Variants in NPIPA5 observed in about 807,000 individuals in gnomAD.
NPIPA5 encodes nuclear pore complex-interacting protein family member A5.
NPIPA5 carries 6 observed loss-of-function variants against 21.4 expected under a neutral mutation model. The observed-to-expected ratio is 0.28, with a 90% CI of 0.15 to 0.55. The LOEUF (loss-of-function observed/expected upper bound fraction) is 0.55. NPIPA5 is among the 20% of genes least tolerant of loss of function. NPIPA5 has a pLI of 0.93. For missense variants in NPIPA5, 99 were observed against 318.2 expected (o/e 0.31, Z 5.24); for synonymous variants, 33 against 115.3 (o/e 0.29, Z 4.57).
upstream of NPIPA5, among the ~76,000 whole-genome samples, chr16:15,380,230 A>G (rs1360058768): frequency 6.6e-5 from 10 of 151,992 alleles, no homozygotes; most frequent in Non-Finnish European, 1.0e-4. Flanking sequence ...TATAGAACAT[A>G]TATATGTACT....
upstream of NPIPA5, chr16:15,381,082 C>T (rs1415462585): frequency 5.9e-6 from 9 of 1,537,808 alleles, no homozygotes; most frequent in South Asian, 2.4e-5. Flanking sequence ...TGATGAGTGC[C>T]AACCTATTAG....
chr16:15,371,589 A>T (rs2050156436), intron 2 of NPIPA5, among the ~76,000 whole-genome samples: 1 of 141,668 alleles, frequency 7.1e-6, no homozygotes. Flanking sequence ...GGCAACCTCC[A>T]CCTCCCAGAT....
rs576379543 is a variant in NPIPA5, at chr16:15,370,422, T to TCACACA, written c.193-309_193-304dup. 8.7e-4 allele frequency among the ~76,000 whole-genome samples: 103 copies of TCACACA among 118,448 alleles called. 1 individual carries two copies. Among genetic ancestry groups the TCACACA allele is most frequent in the Middle Eastern group, 8.1e-3 (2 of 248 alleles). The allele number at this position is 118,448 out of a possible 152,430, so 77.7% of individuals were successfully genotyped here. ...GCCTGAGTGACAGAATGAGACTCTGTCACACACACACACACACACACACAC... is the reference window on the plus strand; with the variant it reads ...GCCTGAGTGACAGAATGAGACTCTGTCACACACACACACACACACACACACACACAC... On this transcript the variant is annotated intron_variant, in intron 2 of 7. Coordinates refer to ENST00000360151, the MANE Select transcript of NPIPA5 (RefSeq NM_001277325.2).
intron 4 of NPIPA5, among the ~76,000 whole-genome samples, chr16:15,369,243 G>A (rs937110920): frequency 8.8e-5 from 13 of 148,530 alleles, no homozygotes; most frequent in African/African-American, 3.2e-4. Flanking sequence ...ATTACCTGAG[G>A]TCAGAAGTTC....
intron 4 of NPIPA5, among the ~76,000 whole-genome samples, chr16:15,367,287 G>A (rs191774161): frequency 2.4e-4 from 37 of 152,246 alleles, no homozygotes; most frequent in South Asian, 6.2e-4. Context: ...TAACCCTGCA[G>A]TTCACTACTG....
At chr16:15,376,643 G>C (rs965517071) in intron 1 of NPIPA5, among the ~76,000 whole-genome samples, 3 of 152,148 alleles carry the variant, frequency 2.0e-5, no homozygotes, top group African/African-American at 7.2e-5. Flanking sequence ...TTTTGGCCAG[G>C]CGCGGTGGCT....
At chr16:15,369,411 C>G (rs1241077184) in intron 4 of NPIPA5, among the ~76,000 whole-genome samples, 2 of 149,890 alleles carry the variant, frequency 1.3e-5, no homozygotes, top group Admixed American at 1.3e-4. Flanking sequence ...TGTGCCATTG[C>G]ACTACGGCCT....
chr16:15,363,716 G>T lies in NPIPA5; in HGVS notation c.996C>A (p.Pro332=), dbSNP rs202240439. The T allele has an allele frequency of 4.2e-6, 6 of 1,423,430 alleles. 1 individual carries two copies. The highest frequency in any genetic ancestry group is 4.3e-5 in the Admixed American group (2 of 46,924). 88.2% of individuals were successfully genotyped at this position (1,423,430 alleles called of 1,614,324 possible). ...PSADDNLKTP[P]ECVCSLPFHP... Reference sequence around the variant, plus strand: ...GGAAGGGGAGTGAGCAGACACACTCGGGAGGTGTCTTGAGATTATCATCCG... The same window carrying T: ...GGAAGGGGAGTGAGCAGACACACTCTGGAGGTGTCTTGAGATTATCATCCG... Residue 332 remains proline (P), a synonymous_variant, in exon 8 of 8, where the codon CCC becomes CCA. Coordinates refer to ENST00000360151, the MANE Select transcript of NPIPA5 (RefSeq NM_001277325.2).
In NPIPA5 at chr16:15,363,780, C is replaced by A. The variant is rs1309853674; in HGVS notation, c.932G>T (p.Cys311Phe). Residue 311 changes from cysteine (C) to phenylalanine (F), a missense_variant, in exon 8 of 8, where the codon TGT becomes TTT. Physicochemically the swap from Cys to Phe is radical, Grantham distance 205 (BLOSUM62 -2). Transcript: ENST00000360151. ...TGAGGGTGGAAGGGGAGTGAGCAGA[C>A]ACTCGGCAGGTGTCTTGAGATTATC... is the stretch of plus-strand genomic sequence containing the variant. ...ADDNLKTPAE[C>F]LLTPLPPSAP... 7.7e-7 allele frequency: 1 copy of A among 1,301,862 alleles called. No individual in the cohort carries two copies. Among genetic ancestry groups the A allele is most frequent in the African/African-American group, 1.6e-5 (1 of 63,976 alleles). 80.6% of individuals were successfully genotyped at this position (1,301,862 alleles called of 1,614,324 possible). A position where few individuals can be genotyped will look rare whatever the true frequency, so the allele number is the denominator to read the frequency against.
chr16:15,380,131 A>G (rs1005245277), upstream of NPIPA5, among the ~76,000 whole-genome samples: 10 of 151,918 alleles, frequency 6.6e-5, no homozygotes, highest in Non-Finnish European at 1.0e-4. Flanking sequence ...TAGACTGCAC[A>G]GAGCATTCAA....
chr16:15,369,402 G>A (rs1398877912), intron 4 of NPIPA5, among the ~76,000 whole-genome samples: 2 of 150,938 alleles, frequency 1.3e-5, no homozygotes, highest in Non-Finnish European at 2.9e-5. Context: ...AGCTGAGATT[G>A]TGCCATTGCA....
intron 4 of NPIPA5, among the ~76,000 whole-genome samples, chr16:15,368,468 T>C (rs1366320850): frequency 1.3e-5 from 2 of 152,018 alleles, no homozygotes; most frequent in Non-Finnish European, 2.9e-5. Context: ...GTATCTCACA[T>C]TTAACAAAAA....
At chr16:15,367,162 G>A (rs2049998200) in intron 4 of NPIPA5, among the ~76,000 whole-genome samples, 1 of 152,152 alleles carries the variant, frequency 6.6e-6, no homozygotes, top group African/African-American at 2.4e-5. Context: ...TCCATCGGAA[G>A]CAGAGGATTG....
Position 15,377,317 on chromosome 16 carries a change from C to G in NPIPA5, c.63+915G>C, listed in dbSNP as rs1402933762. On this transcript the variant is annotated intron_variant, in intron 1 of 7. Coordinates refer to ENST00000360151, the MANE Select transcript of NPIPA5 (RefSeq NM_001277325.2). ...ATTACAGGCCTGAGCTGTGTAATTT[C>G]ATGCCGCGTGACACAGCCCAGTAAA... Among the ~76,000 whole-genome samples, 3 of 150,898 alleles carry G rather than the reference C, an allele frequency of 2.0e-5. No homozygotes were observed. In the Admixed American group the frequency reaches 2.0e-4, roughly 10 times the overall value.
intron 2 of NPIPA5, among the ~76,000 whole-genome samples, chr16:15,372,468 G>A (rs1327082648): frequency 2.7e-5 from 4 of 145,886 alleles, no homozygotes; most frequent in Non-Finnish European, 4.5e-5. Flanking sequence ...CTGGGCAACA[G>A]AGGGAGACTC....
chr16:15,381,008 A>T, upstream of NPIPA5: 1 of 1,514,880 alleles, frequency 6.6e-7, no homozygotes, highest in South Asian at 1.2e-5. Flanking sequence ...TGGTCATGGG[A>T]CAGGAACCGT....
At position 15,371,895 on chromosome 16, in the gene NPIPA5, A is replaced by G. The variant is rs541538376; in HGVS notation, c.193-1776T>C. Among the ~76,000 whole-genome samples the G allele has an allele frequency of 1.7e-4, 25 of 145,568 alleles. 1 individual carries two copies. The highest frequency in any genetic ancestry group is 5.9e-4 in the African/African-American group (24 of 40,524). On this transcript the variant is annotated intron_variant, in intron 2 of 7. Transcript: ENST00000360151. Reference sequence around the variant, plus strand: ...AAAAATCATGTACTAGGATTTCAAGAGAAGCAATGGGTAATCTAAAAAGAT... The same window carrying G: ...AAAAATCATGTACTAGGATTTCAAGGGAAGCAATGGGTAATCTAAAAAGAT...
chr16:15,365,926 G>A lies in NPIPA5; in HGVS notation c.546-292C>T, dbSNP rs939055285. On this transcript the variant is annotated intron_variant, in intron 5 of 7. Transcript: ENST00000360151. ...CTACTAAAAATACAAAAAATTAGGCGGGGGTGGTGGCAGGCACCTGTAATC... is the reference window on the plus strand; with the variant it reads ...CTACTAAAAATACAAAAAATTAGGCAGGGGTGGTGGCAGGCACCTGTAATC... Among the ~76,000 whole-genome samples the A allele has an allele frequency of 9.4e-5, 5 of 53,386 alleles. 1 individual carries two copies. The South Asian group carries it at 2.2e-3, about 23-fold the overall frequency. 35.0% of individuals were successfully genotyped at this position (53,386 alleles called of 152,430 possible). A position where few individuals can be genotyped will look rare whatever the true frequency, so the allele number is the denominator to read the frequency against.
upstream of NPIPA5, among the ~76,000 whole-genome samples, chr16:15,378,930 T>C (rs1334550415): frequency 7.3e-6 from 1 of 137,640 alleles, no homozygotes; most frequent in Non-Finnish European, 1.6e-5. Flanking sequence ...CTAAGGTATT[T>C]GCCCACAATA....
Sources: gnomAD v4.1 joint callset for allele counts (sites outside exome capture counted in the v4.1 genomes callset) on GRCh38, gnomAD v4.1.1 for gene constraint, MANE v1.5 for transcripts, NCBI Gene and HGNC (gene_info 2026-07-23, HGNC 2026-07-21) for gene names.